Variants in MAML3 observed in about 807,000 individuals in gnomAD.
The protein encoded by MAML3 is mastermind-like protein 3.
In MAML3, 27 loss-of-function variants were observed where a neutral mutation model predicts 101.9. The ratio of observed to expected loss-of-function variants is 0.27; its 90% CI spans 0.20 to 0.37. The LOEUF (loss-of-function observed/expected upper bound fraction) is 0.37, where lower values mean the gene tolerates loss of function less well. Ranked by LOEUF, MAML3 falls within the 10% of genes least tolerant of loss-of-function variation. The probability of loss-of-function intolerance (pLI) is 1.00; values close to 1 mark genes in which losing one functional copy is unlikely to be tolerated. For missense variants in MAML3, 1,316 were observed against 1,444.9 expected (o/e 0.91, Z 1.45); for synonymous variants, 501 against 555.9 (o/e 0.90, Z 1.39).
intron 3 of MAML3, among the ~76,000 whole-genome samples, chr4:139,726,056 CAG>C (rs1272760934): frequency 6.6e-6 from 1 of 152,222 alleles, no homozygotes; most frequent in African/African-American, 2.4e-5. Context: ...CATCAAGAAA[CAG>C]AACGCTGCCA....
intron 1 of MAML3, among the ~76,000 whole-genome samples, chr4:139,908,575 T>C (rs1424443936): frequency 6.6e-6 from 1 of 152,240 alleles, no homozygotes; most frequent in Non-Finnish European, 1.5e-5. Context: ...GATATTTAAG[T>C]AGTTCCCCAA....
In MAML3 at chr4:139,890,936, C is replaced by T. The variant is rs756335036; in HGVS notation, c.500G>A (p.Gly167Glu). The T allele has an allele frequency of 3.7e-6, 6 of 1,612,860 alleles. No homozygotes were observed. The African/African-American group carries it at 6.7e-5, about 18-fold the overall frequency. The stretch of plus-strand genomic sequence containing the variant: ...GTCTCCATTAAGTGGTGATCGAGCT[C>T]CTTCCAACTTCCTTTTCACAGTCTC... ...LQETVKRKLEGARSPLNGDQQ... is the reference protein window; with the variant it reads ...LQETVKRKLEEARSPLNGDQQ... Residue 167 changes from glycine (G) to glutamate (E), a missense_variant, in exon 2 of 5, where the codon GGA becomes GAA. Transcript: ENST00000509479. The surrounding 1 kb of genome is among the most constrained non-coding windows in gnomAD (Gnocchi z 4.1).
chr4:139,724,806 G>A (rs4863678), intron 4 of MAML3, among the ~76,000 whole-genome samples: 38,800 of 144,360 alleles, frequency 0.27, 5,338 homozygotes, highest in African/African-American at 0.33. Context: ...ACAGAGTCTC[G>A]CTCTGTTGCC....
chr4:140,149,123 G>A (rs1729113669), intron 1 of MAML3, among the ~76,000 whole-genome samples: 1 of 152,124 alleles, frequency 6.6e-6, no homozygotes, highest in Non-Finnish European at 1.5e-5. Flanking sequence ...AATAAACAAT[G>A]CCCCCTTTTG....
intron 1 of MAML3, among the ~76,000 whole-genome samples, chr4:139,896,797 T>C (rs1284408902): frequency 2.6e-5 from 4 of 152,154 alleles, no homozygotes; most frequent in Admixed American, 6.5e-5. Flanking sequence ...CACAGAATCA[T>C]ATTTTATCCT....
chr4:140,151,051 C>T (rs896066310), intron 1 of MAML3, among the ~76,000 whole-genome samples: 2 of 152,052 alleles, frequency 1.3e-5, no homozygotes, highest in African/African-American at 2.4e-5. Flanking sequence ...ATGAAGCGGG[C>T]AGGGCCACGG....
chr4:140,043,693 C>G (rs1359126027), intron 1 of MAML3, among the ~76,000 whole-genome samples: 1 of 152,182 alleles, frequency 6.6e-6, no homozygotes, highest in East Asian at 1.9e-4. Flanking sequence ...ATATTTCAAT[C>G]TTATCAATCG....
intron 2 of MAML3, among the ~76,000 whole-genome samples, chr4:139,837,570 C>A (rs1731278125): frequency 6.6e-6 from 1 of 152,078 alleles, no homozygotes; most frequent in Non-Finnish European, 1.5e-5. Flanking sequence ...GTTCAGCAAT[C>A]AGATAAGGCA....
intron 2 of MAML3, among the ~76,000 whole-genome samples, chr4:139,772,916 T>TA (rs368411036): frequency 0.3 from 42,005 of 139,112 alleles, 6,618 homozygotes; most frequent in African/African-American, 0.43. Flanking sequence ...CATCTCTACT[T>TA]AAAAAAAAAA....
chr4:140,140,923 A>G (rs1728970279), intron 1 of MAML3, among the ~76,000 whole-genome samples: 2 of 152,220 alleles, frequency 1.3e-5, no homozygotes, highest in South Asian at 4.1e-4. Context: ...GCCTGGCAAG[A>G]ACCAGCACTA....
intron 1 of MAML3, among the ~76,000 whole-genome samples, chr4:139,964,212 G>A (rs571799220): frequency 1.3e-4 from 20 of 152,086 alleles, no homozygotes; most frequent in African/African-American, 4.1e-4. Flanking sequence ...TGATAGACTG[G>A]ATAAAGAACA....
chr4:139,888,747 C>G (rs1732391188), intron 2 of MAML3: 1 of 480,088 alleles, frequency 2.1e-6, no homozygotes, highest in Admixed American at 2.2e-5. Context: ...TCATTGCACT[C>G]CCAAGTAAGA....
chr4:140,116,658 C>T (rs554630897), intron 1 of MAML3, among the ~76,000 whole-genome samples: 2 of 152,306 alleles, frequency 1.3e-5, no homozygotes, highest in African/African-American at 2.4e-5. Flanking sequence ...CACATCCAGA[C>T]GAAACCATTA....
intron 1 of MAML3, among the ~76,000 whole-genome samples, chr4:140,023,359 G>A (rs1001597025): frequency 6.6e-6 from 1 of 152,120 alleles, no homozygotes; most frequent in East Asian, 1.9e-4. Context: ...TCATCAATGC[G>A]CATGGAAGCT....
intron 1 of MAML3, among the ~76,000 whole-genome samples, chr4:139,986,778 G>A (rs1236349057): frequency 1.3e-5 from 2 of 152,226 alleles, no homozygotes; most frequent in Middle Eastern, 3.4e-3. Context: ...GGTTAACGCA[G>A]GAAACACAGT....
rs200398182 is a variant in MAML3, at chr4:139,719,445, C to T, written c.3295G>A (p.Asp1099Asn). The T allele has an allele frequency of 8.7e-6, 14 of 1,613,890 alleles. No homozygotes were observed. The highest frequency in any genetic ancestry group is 6.7e-5 in the African/African-American group (5 of 74,926). The change falls in exon 5 of 5, where the codon GAC becomes AAC. Residue 1099 changes from aspartate (D) to asparagine (N), a missense_variant. Transcript: ENST00000509479. ...PQDVSYNYSGDGAGGSFPGLP... is the reference protein window; with the variant it reads ...PQDVSYNYSGNGAGGSFPGLP... The stretch of plus-strand genomic sequence containing the variant: ...CCAGGGAAGGAACCCCCAGCTCCGT[C>T]GCCACTGTAATTGTATGACACGTCC...
At chr4:140,065,213 A>G (rs1263695833) in intron 1 of MAML3, among the ~76,000 whole-genome samples, 5 of 152,202 alleles carry the variant, frequency 3.3e-5, no homozygotes, top group Non-Finnish European at 7.3e-5. Context: ...GTGAAGTTAC[A>G]TATAGTGAGA....
chr4:139,728,088 G>T (rs1011876190), intron 3 of MAML3, among the ~76,000 whole-genome samples: 9 of 152,132 alleles, frequency 5.9e-5, no homozygotes, highest in African/African-American at 2.2e-4. Flanking sequence ...GATGGTGTTT[G>T]CCTGTGGTCC....
intron 1 of MAML3, among the ~76,000 whole-genome samples, chr4:139,954,836 C>G (rs1343786895): frequency 6.6e-6 from 1 of 151,640 alleles, no homozygotes; most frequent in Non-Finnish European, 1.5e-5. Flanking sequence ...GTGATCATAA[C>G]GTAGTTTATG....
Sources: gnomAD v4.1 joint callset for allele counts (sites outside exome capture counted in the v4.1 genomes callset) on GRCh38, gnomAD v4.1.1 for gene constraint, Gnocchi (gnomAD v3.1) non-coding constraint, MANE v1.5 for transcripts, NCBI Gene and HGNC (gene_info 2026-07-23, HGNC 2026-07-21) for gene names.